HPSE2: variants seen among roughly 807,000 people sequenced by gnomAD.
HPSE2 encodes the protein inactive heparanase-2.
HPSE2 carries 38 observed loss-of-function variants against 60.5 expected under a neutral mutation model. The ratio of observed to expected loss-of-function variants is 0.63; its 90% CI spans 0.48 to 0.82. The LOEUF is 0.82. Among genes scored for constraint, HPSE2 ranks in the 40% least tolerant of loss-of-function variants. The pLI is 0.00. For missense variants in HPSE2, 713 were observed against 740.4 expected (o/e 0.96, Z 0.43); for synonymous variants, 295 against 293.2 (o/e 1.01, Z -0.06).
intron 3 of HPSE2, among the ~76,000 whole-genome samples, chr10:98,970,544 G>A (rs6584227): frequency 0.76 from 116,256 of 152,104 alleles, 44,794 homozygotes; most frequent in East Asian, 0.86. Context: ...ATTAGTAGAA[G>A]ATTAATGATT....
At chr10:99,203,638 TCCCTG>T (rs944615391) in intron 2 of HPSE2, among the ~76,000 whole-genome samples, 1 of 151,610 alleles carries the variant, frequency 6.6e-6, no homozygotes, top group Non-Finnish European at 1.5e-5. Context: ...CTTCAGGAGC[TCCCTG>T]TGGGCCCAGG....
At chr10:99,256,620 A>T in the HPSE2 span, among the ~76,000 whole-genome samples, 1 of 151,966 alleles carries the variant, frequency 6.6e-6, no homozygotes, top group African/African-American at 2.4e-5. Flanking sequence ...TGCAATCAGC[A>T]AGAAAAATAA....
At chr10:98,852,442 G>A (rs1490172847) in intron 3 of HPSE2, among the ~76,000 whole-genome samples, 2 of 151,990 alleles carry the variant, frequency 1.3e-5, no homozygotes, top group Admixed American at 6.6e-5. Context: ...TTAACTCCTG[G>A]GCTCAAGTGG....
chr10:98,744,521 C>A (rs1297481964), intron 3 of HPSE2, among the ~76,000 whole-genome samples: 1 of 151,752 alleles, frequency 6.6e-6, no homozygotes, highest in Non-Finnish European at 1.5e-5. Flanking sequence ...GAGCGAAACT[C>A]CGTCTCAAAA....
At chr10:99,042,495 A>G (rs1038775474) in intron 3 of HPSE2, among the ~76,000 whole-genome samples, 1 of 152,114 alleles carries the variant, frequency 6.6e-6, no homozygotes, top group Non-Finnish European at 1.5e-5. Context: ...GGGAACAAAA[A>G]GCCTGAGTTC....
the HPSE2 span, among the ~76,000 whole-genome samples, chr10:99,251,070 C>T: frequency 6.6e-6 from 1 of 152,096 alleles, no homozygotes; most frequent in Non-Finnish European, 1.5e-5. Context: ...AAAGTTTGTT[C>T]TTTGAAAGGA....
chr10:98,760,946 C>T (rs994558048), intron 3 of HPSE2, among the ~76,000 whole-genome samples: 3 of 152,014 alleles, frequency 2.0e-5, no homozygotes, highest in Non-Finnish European at 2.9e-5. Flanking sequence ...CCATCTGGTC[C>T]TGGGCTTTAC....
At chr10:98,524,227 G>A (rs1238787836) in intron 9 of HPSE2, among the ~76,000 whole-genome samples, 3 of 152,300 alleles carry the variant, frequency 2.0e-5, no homozygotes, top group East Asian at 3.9e-4. Context: ...TGGGACACGC[G>A]CATGAGTTGA....
chr10:98,799,817 A>G (rs1457571158), intron 3 of HPSE2, among the ~76,000 whole-genome samples: 1 of 152,120 alleles, frequency 6.6e-6, no homozygotes, highest in Non-Finnish European at 1.5e-5. Context: ...GTAAGTGCCT[A>G]CATCAAAAAA....
intron 4 of HPSE2, among the ~76,000 whole-genome samples, chr10:98,731,911 A>G (rs968579999): frequency 5.3e-5 from 8 of 152,216 alleles, no homozygotes; most frequent in Admixed American, 1.3e-4. Flanking sequence ...GAAAAAATAC[A>G]AAATCTAAAG....
Position 98,941,558 on chromosome 10 carries a change from C to T in HPSE2, c.611-197502G>A, listed in dbSNP as rs1205019989. Among the ~76,000 whole-genome samples the T allele has an allele frequency of 1.6e-4, 23 of 141,944 alleles. 2 individuals carry two copies. The highest frequency in any genetic ancestry group is 2.7e-4 in the Non-Finnish European group (18 of 66,750). 93.1% of individuals were successfully genotyped at this position (141,944 alleles called of 152,430 possible). On this transcript the variant is annotated intron_variant, in intron 3 of 11. Coordinates refer to ENST00000370552, the MANE Select transcript of HPSE2 (RefSeq NM_021828.5). ...GACCTCTTCAAGGAGAACTACAAAC[C>T]ACTGCTCAATGAAATAAAAGAGGAT... is the stretch of plus-strand genomic sequence containing the variant.
intron 8 of HPSE2, among the ~76,000 whole-genome samples, chr10:98,616,453 C>T (rs1284240056): frequency 2.0e-5 from 3 of 152,138 alleles, no homozygotes; most frequent in African/African-American, 4.8e-5. Flanking sequence ...GGGAAAATTA[C>T]GCATAGTTAT....
At chr10:98,862,147 T>C (rs1159686933) in intron 3 of HPSE2, among the ~76,000 whole-genome samples, 1 of 152,096 alleles carries the variant, frequency 6.6e-6, no homozygotes, top group African/African-American at 2.4e-5. Context: ...TGTGCGGAGA[T>C]AGGTTGAGCC....
chr10:99,175,451 C>G (rs1390598810), intron 2 of HPSE2, among the ~76,000 whole-genome samples: 1 of 152,210 alleles, frequency 6.6e-6, no homozygotes, highest in Non-Finnish European at 1.5e-5. Flanking sequence ...GTGTCCACCA[C>G]TACTGAGGCT....
chr10:98,466,469 G>A (rs1940535739), intron 11 of HPSE2, among the ~76,000 whole-genome samples: 2 of 152,120 alleles, frequency 1.3e-5, no homozygotes, highest in South Asian at 2.1e-4. Flanking sequence ...AAAATTAACG[G>A]GCGTGGTGGT....
At chr10:98,822,818 G>A (rs758102987) in intron 3 of HPSE2, among the ~76,000 whole-genome samples, 15 of 152,170 alleles carry the variant, frequency 9.9e-5, no homozygotes, top group Non-Finnish European at 1.5e-4. Context: ...TGTGGTAGGC[G>A]GAATGATGGC....
At chr10:98,958,942 C>T (rs1017873742) in intron 3 of HPSE2, among the ~76,000 whole-genome samples, 1 of 151,962 alleles carries the variant, frequency 6.6e-6, no homozygotes, top group African/African-American at 2.4e-5. Context: ...GCTATGTGAC[C>T]CTGGCTAGTT....
intron 3 of HPSE2, among the ~76,000 whole-genome samples, chr10:98,750,255 T>C (rs902528344): frequency 6.6e-6 from 1 of 151,980 alleles, no homozygotes; most frequent in Non-Finnish European, 1.5e-5. Flanking sequence ...TGAAGAACAC[T>C]GAGAGGCTGG....
intron 4 of HPSE2, among the ~76,000 whole-genome samples, chr10:98,737,736 G>T (rs1048256471): frequency 6.6e-5 from 10 of 152,096 alleles, no homozygotes; most frequent in African/African-American, 2.4e-4. Flanking sequence ...TTGCTACAAA[G>T]AGAAAAAACC....
Sources: allele counts gnomAD v4.1 joint callset (sites outside exome capture counted in the v4.1 genomes callset), GRCh38; gene constraint gnomAD v4.1.1; transcripts MANE v1.5; gene names NCBI Gene and HGNC (gene_info 2026-07-23, HGNC 2026-07-21).